Variants in TENM4 observed in about 807,000 individuals in gnomAD.
The protein encoded by TENM4 is teneurin transmembrane protein 4.
TENM4 carries 82 observed loss-of-function variants against 243.3 expected under a neutral mutation model. The observed-to-expected ratio is 0.34, with a 90% CI of 0.28 to 0.40. The LOEUF is 0.40. Among genes scored for constraint, TENM4 ranks in the 10% least tolerant of loss-of-function variants. The probability of loss-of-function intolerance (pLI) is 1.00; values close to 1 mark genes in which losing one functional copy is unlikely to be tolerated. For synonymous variants in TENM4, 1,412 were observed against 1,456.3 expected, an observed-to-expected ratio of 0.97 and a Z score of 0.69; for missense variants, 3,138 against 3,673.3, an observed-to-expected ratio of 0.85 and a Z score of 3.77.
chr11:78,797,338 AAC>A (rs1332749371), intron 15 of TENM4, among the ~76,000 whole-genome samples: 1 of 152,208 alleles, frequency 6.6e-6, no homozygotes, highest in Non-Finnish European at 1.5e-5. Flanking sequence ...CCATTGAAAG[AAC>A]AGTTTTTTTT....
intron 3 of TENM4, among the ~76,000 whole-genome samples, chr11:79,214,009 T>C (rs373612089): frequency 2.1e-5 from 2 of 96,320 alleles, no homozygotes; most frequent in Admixed American, 9.0e-5. Flanking sequence ...TTTTTTTTTT[T>C]GAGGTGGAGT....
chr11:78,764,448 T>C (rs1369248872), intron 18 of TENM4, among the ~76,000 whole-genome samples: 2 of 152,262 alleles, frequency 1.3e-5, no homozygotes, highest in Non-Finnish European at 2.9e-5. Flanking sequence ...TTGACTTGTT[T>C]ATTTCTGTAT....
rs1859365626 is a variant in TENM4 at position 79,440,009 on chromosome 11, G to T, written c.-321+500C>A. ...CTCCAGGATCTGAGCTCCAACCACC[G>T]CCCGTGCGGGGCTGCTGCAGCCGGC... On this transcript the variant is annotated intron_variant, in intron 1 of 33. Coordinates refer to ENST00000278550, the MANE Select transcript of TENM4 (RefSeq NM_001098816.3). The surrounding 1 kb of genome is among the most constrained non-coding windows in gnomAD (Gnocchi z 4.7). Among the ~76,000 whole-genome samples the T allele has an allele frequency of 6.6e-6, 1 of 151,994 alleles. No homozygotes were observed. Among genetic ancestry groups the T allele is most frequent in the Non-Finnish European group, 1.5e-5 (1 of 67,982 alleles).
intron 12 of TENM4, among the ~76,000 whole-genome samples, chr11:78,845,085 C>T (rs571303559): frequency 5.3e-4 from 81 of 152,330 alleles, no homozygotes; most frequent in African/African-American, 1.8e-3. Flanking sequence ...AGCAGCCCTC[C>T]TCTCTGCTCC....
intron 2 of TENM4, among the ~76,000 whole-genome samples, chr11:79,220,773 A>G (rs1193233219): frequency 3.3e-5 from 5 of 152,270 alleles, no homozygotes; most frequent in Non-Finnish European, 5.9e-5. Context: ...AGTGACCACT[A>G]TGTCTTCAAT....
intron 18 of TENM4, among the ~76,000 whole-genome samples, chr11:78,758,163 G>T (rs529360795): frequency 6.6e-6 from 1 of 152,188 alleles, no homozygotes. Context: ...ATGTATTCCT[G>T]CCTGGGTTCA....
rs79758610 is a variant in TENM4, at chr11:78,949,680, G to A, written c.494-46157C>T. On this transcript the variant is annotated intron_variant, in intron 6 of 33. Transcript: ENST00000278550. ...GGATCAGAGGGGCTCAAGAAGTAGGGAAAGGGTGAATTCTGGTAGGCCATG... is the reference window on the plus strand; with the variant it reads ...GGATCAGAGGGGCTCAAGAAGTAGGAAAAGGGTGAATTCTGGTAGGCCATG... Among the ~76,000 whole-genome samples, 877 of 152,322 alleles carry A rather than the reference G, an allele frequency of 5.8e-3. 11 individuals carry two copies. The highest frequency in any genetic ancestry group is 0.019 in the African/African-American group (800 of 41,572).
At chr11:79,316,760 G>A (rs963487719) in intron 1 of TENM4, among the ~76,000 whole-genome samples, 2 of 152,184 alleles carry the variant, frequency 1.3e-5, no homozygotes, top group Non-Finnish European at 2.9e-5. Flanking sequence ...AATAGCCCTG[G>A]TGTTTTGCTC....
At position 79,227,161 on chromosome 11, in the gene TENM4, G is replaced by T. The variant is rs74917002; in HGVS notation, c.-264-11252C>A. On this transcript the variant is annotated intron_variant, in intron 2 of 33. Transcript: ENST00000278550. Reference sequence around the variant, plus strand: ...CCCTGGCAGTGGCCACATAACCCCCGTGGCTTCAGGTCCTGACAGTCACCC... The same window carrying T: ...CCCTGGCAGTGGCCACATAACCCCCTTGGCTTCAGGTCCTGACAGTCACCC... Among the ~76,000 whole-genome samples the T allele has an allele frequency of 4.8e-3, 727 of 152,250 alleles. 9 individuals are homozygous for T. The highest frequency in any genetic ancestry group is 0.017 in the African/African-American group (691 of 41,566).
At chr11:79,072,544 G>A (rs1249406056) in intron 4 of TENM4, among the ~76,000 whole-genome samples, 2 of 151,754 alleles carry the variant, frequency 1.3e-5, no homozygotes, top group Admixed American at 6.6e-5. Context: ...ATTGATGTAT[G>A]CGAATGTGTG....
At chr11:78,903,726 A>G in intron 6 of TENM4, 1 of 866,146 alleles carries the variant, frequency 1.2e-6, no homozygotes, top group Non-Finnish European at 1.9e-6. Flanking sequence ...CCAACTAAAC[A>G]GACAAAAATT....
At chr11:79,243,681 C>T (rs1318820480) in intron 2 of TENM4, among the ~76,000 whole-genome samples, 1 of 152,146 alleles carries the variant, frequency 6.6e-6, no homozygotes, top group Non-Finnish European at 1.5e-5. Flanking sequence ...AGAACAGTGC[C>T]GAGAGCCTCC....
At chr11:78,738,602 A>G in intron 19 of TENM4, 32 bp from the exon 20 acceptor site, 1 of 1,606,184 alleles carries the variant, frequency 6.2e-7, no homozygotes, top group Non-Finnish European at 8.5e-7. Context: ...TAAACATGAT[A>G]CACCTTTCAT....
In TENM4 at chr11:78,849,529, T is replaced by C. The variant is rs183187210; in HGVS notation, c.1681+4575A>G. 1.4e-3 allele frequency among the ~76,000 whole-genome samples: 206 copies of C among 152,186 alleles called. 1 individual carries two copies. The highest frequency in any genetic ancestry group is 4.8e-3 in the African/African-American group (200 of 41,540). On this transcript the variant is annotated intron_variant, in intron 12 of 33. Transcript: ENST00000278550. Reference sequence around the variant, plus strand: ...AACTTCTTGTGAGGATTAAATAACATAAAAAAGAGAGCTAAGCATGGTCCT... The same window carrying C: ...AACTTCTTGTGAGGATTAAATAACACAAAAAAGAGAGCTAAGCATGGTCCT...
At position 78,658,582 on chromosome 11, in the gene TENM4, CA is replaced by C; in HGVS notation, c.7785del (p.Ala2596ProfsTer3). The C allele has an allele frequency of 6.2e-7, 1 of 1,613,992 alleles. No individual in the cohort carries two copies. The highest frequency in any genetic ancestry group is 8.5e-7 in the Non-Finnish European group (1 of 1,179,878). ...SVANEDGRRV[A>X]AILNHAHYLE... is the part of the protein sequence containing the mutation. ...AGGTAGTGGGCATGGTTCAAGATGG[CA>C]GCAACCCTTCGCCCATCCTCATTGG... On this transcript the variant is annotated frameshift_variant, in exon 34 of 34. Coordinates refer to ENST00000278550, the MANE Select transcript of TENM4 (RefSeq NM_001098816.3). LOFTEE classifies it high-confidence loss of function.
At chr11:79,138,749 A>C (rs1320815927) in intron 4 of TENM4, among the ~76,000 whole-genome samples, 1 of 111,708 alleles carries the variant, frequency 9.0e-6, no homozygotes, top group East Asian at 2.4e-4. Context: ...TAAAACATAC[A>C]TTATATTTAT....
chr11:79,310,467 G>A (rs185102694), intron 1 of TENM4, among the ~76,000 whole-genome samples: 157 of 152,304 alleles, frequency 1.0e-3, no homozygotes, highest in Non-Finnish European at 1.6e-3. Flanking sequence ...GCCTGAATAC[G>A]CACTCATATG....
intron 6 of TENM4, among the ~76,000 whole-genome samples, chr11:78,925,963 A>C (rs1018484730): frequency 6.6e-6 from 1 of 151,982 alleles, no homozygotes; most frequent in Non-Finnish European, 1.5e-5. Context: ...AAATAAAAAA[A>C]AAAAACAACC....
At chr11:79,112,689 G>T (rs1233284086) in intron 4 of TENM4, among the ~76,000 whole-genome samples, 1 of 152,120 alleles carries the variant, frequency 6.6e-6, no homozygotes, top group Non-Finnish European at 1.5e-5. Context: ...GGTTGCCCTG[G>T]TTTCCTCATT....
Sources: gnomAD v4.1 joint callset for allele counts (sites outside exome capture counted in the v4.1 genomes callset) on GRCh38, gnomAD v4.1.1 for gene constraint, Gnocchi (gnomAD v3.1) non-coding constraint, MANE v1.5 for transcripts, NCBI Gene and HGNC (gene_info 2026-07-23, HGNC 2026-07-21) for gene names.